Variants in ZNF521 observed in about 807,000 individuals in gnomAD.
ZNF521 encodes the protein zinc finger protein 521.
Under a neutral mutation model 105.5 loss-of-function variants are expected in ZNF521, and 14 were observed. The ratio of observed to expected loss-of-function variants is 0.13; its 90% CI spans 0.09 to 0.21. ZNF521 has a LOEUF of 0.21. ZNF521 is among the 10% of genes least tolerant of loss of function. The pLI is 1.00. For missense variants in ZNF521, 1,233 were observed against 1,629.7 expected (o/e 0.76, Z 4.19); for synonymous variants, 635 against 606.0 (o/e 1.05, Z -0.70).
intron 5 of ZNF521, among the ~76,000 whole-genome samples, chr18:25,156,499 A>G (rs1405346996): frequency 6.6e-6 from 1 of 152,214 alleles, no homozygotes; most frequent in African/African-American, 2.4e-5. Flanking sequence ...ATATATTTCA[A>G]TACACTTTAA....
chr18:25,123,007 T>C (rs2034471935), intron 5 of ZNF521, among the ~76,000 whole-genome samples: 1 of 152,118 alleles, frequency 6.6e-6, no homozygotes, highest in African/African-American at 2.4e-5. Context: ...TTCTATCTGC[T>C]TCTTAAGCTA....
chr18:25,274,524 G>A (rs191426789), intron 3 of ZNF521, among the ~76,000 whole-genome samples: 5 of 152,224 alleles, frequency 3.3e-5, no homozygotes, highest in Admixed American at 2.0e-4. Context: ...AAATTTCACT[G>A]ACAAATATTT....
intron 5 of ZNF521, among the ~76,000 whole-genome samples, chr18:25,139,495 C>T (rs1464036378): frequency 6.6e-6 from 1 of 151,158 alleles, no homozygotes; most frequent in Non-Finnish European, 1.5e-5. Context: ...ATATCCTGGT[C>T]TTACAGTCCA....
At chr18:25,238,116 C>T (rs545928340) in intron 3 of ZNF521, among the ~76,000 whole-genome samples, 213 of 152,208 alleles carry the variant, frequency 1.4e-3, no homozygotes, top group Non-Finnish European at 2.1e-3. Flanking sequence ...CTTGGCTCTA[C>T]GTATTAGAAA....
chr18:25,308,300 T>C (rs1311172562), intron 3 of ZNF521, among the ~76,000 whole-genome samples: 1 of 149,248 alleles, frequency 6.7e-6, no homozygotes, highest in Non-Finnish European at 1.5e-5. Context: ...CATTAGAAAC[T>C]CTGGATTAGG....
At chr18:25,249,633 T>G (rs1907973373) in intron 3 of ZNF521, among the ~76,000 whole-genome samples, 1 of 152,176 alleles carries the variant, frequency 6.6e-6, no homozygotes. Flanking sequence ...AGCTAATTTT[T>G]GTGCCTTTAG....
At chr18:25,290,175 C>T (rs919760529) in intron 3 of ZNF521, among the ~76,000 whole-genome samples, 3 of 152,172 alleles carry the variant, frequency 2.0e-5, no homozygotes, top group Non-Finnish European at 2.9e-5. Flanking sequence ...ATGCAGTCTG[C>T]GGTTTATAAG....
rs184452345 is a variant in ZNF521 at position 25,242,708 on chromosome 18, C to T, written c.221-15011G>A. On this transcript the variant is annotated intron_variant, in intron 3 of 7. Coordinates refer to ENST00000361524, the MANE Select transcript of ZNF521 (RefSeq NM_015461.3). ...TTGGTTTTTCTCATTGTTTAGCTAT[C>T]GAATGTAGTGGGTGATTCTTGTTCT... Among the ~76,000 whole-genome samples, 14 of 152,156 alleles carry T rather than the reference C, an allele frequency of 9.2e-5. No individual in the cohort carries two copies. In the East Asian group the frequency reaches 1.5e-3, roughly 17 times the overall value.
chr18:25,133,820 T>A, intron 5 of ZNF521, among the ~76,000 whole-genome samples: 1 of 152,068 alleles, frequency 6.6e-6, no homozygotes, highest in East Asian at 1.9e-4. Flanking sequence ...ATGTTTTAGT[T>A]AAAGGCCTGA....
At chr18:25,239,400 A>T (rs1568029442) in intron 3 of ZNF521, among the ~76,000 whole-genome samples, 2 of 152,226 alleles carry the variant, frequency 1.3e-5, no homozygotes, top group African/African-American at 4.8e-5. Flanking sequence ...TACATGAAAA[A>T]GTCTGTCTGC....
At chr18:25,150,387 TACTC>T (rs377432932) in intron 5 of ZNF521, among the ~76,000 whole-genome samples, 4 of 152,098 alleles carry the variant, frequency 2.6e-5, no homozygotes, top group African/African-American at 7.2e-5. Context: ...CTAAAGAACT[TACTC>T]ACGTAACCAA....
chr18:25,191,646 A>C (rs188795964), intron 5 of ZNF521, among the ~76,000 whole-genome samples: 443 of 152,304 alleles, frequency 2.9e-3, no homozygotes, highest in African/African-American at 0.01. Context: ...GAGTGAAAAA[A>C]TTAAGCTTCT....
chr18:25,286,107 G>A (rs28609362), intron 3 of ZNF521, among the ~76,000 whole-genome samples: 5 of 152,286 alleles, frequency 3.3e-5, no homozygotes, highest in East Asian at 1.9e-4. Flanking sequence ...TGCAGTGCGC[G>A]CTCTCAGGGG....
chr18:25,156,649 T>C lies in ZNF521; in HGVS notation c.3658+38511A>G, dbSNP rs114689192. 2.7e-3 allele frequency among the ~76,000 whole-genome samples: 408 copies of C among 152,334 alleles called. 2 individuals are homozygous for C. Among genetic ancestry groups the C allele is most frequent in the African/African-American group, 9.3e-3 (385 of 41,576 alleles). ...GATGACTGTTGTAATTTGCAAAGGC[T>C]ACTAGTACCCCATATATATGTAATT... On this transcript the variant is annotated intron_variant, in intron 5 of 7. Coordinates refer to ENST00000361524, the MANE Select transcript of ZNF521 (RefSeq NM_015461.3).
intron 3 of ZNF521, among the ~76,000 whole-genome samples, chr18:25,308,449 A>G (rs1912106248): frequency 6.6e-6 from 1 of 152,154 alleles, no homozygotes; most frequent in Non-Finnish European, 1.5e-5. Flanking sequence ...TCTCTCATTA[A>G]TTCTCCATCT....
intron 4 of ZNF521, among the ~76,000 whole-genome samples, chr18:25,211,594 C>T (rs7226622): frequency 0.19 from 29,497 of 152,018 alleles, 3,633 homozygotes; most frequent in African/African-American, 0.35. Context: ...TGCGTTTTTC[C>T]ATCAGTTTCT....
At chr18:25,078,558 C>A (rs144532508) in intron 7 of ZNF521, among the ~76,000 whole-genome samples, 18 of 152,300 alleles carry the variant, frequency 1.2e-4, no homozygotes, top group Non-Finnish European at 2.4e-4. Context: ...TGACCTCTCA[C>A]CCCGCCGCTG....
At chr18:25,112,738 A>G (rs1421436283) in intron 5 of ZNF521, among the ~76,000 whole-genome samples, 1 of 152,134 alleles carries the variant, frequency 6.6e-6, no homozygotes, top group Non-Finnish European at 1.5e-5. Flanking sequence ...ATCTCTATTA[A>G]CAGCCTGTTC....
At chr18:25,072,731 C>G (rs372717002) in intron 7 of ZNF521, among the ~76,000 whole-genome samples, 153 of 152,264 alleles carry the variant, frequency 1.0e-3, no homozygotes, top group African/African-American at 3.6e-3. Context: ...AGATTTCACT[C>G]AAGATTCTGG....
Sources: gnomAD v4.1 joint callset for allele counts (sites outside exome capture counted in the v4.1 genomes callset) on GRCh38, gnomAD v4.1.1 for gene constraint, MANE v1.5 for transcripts, NCBI Gene and HGNC (gene_info 2026-07-23, HGNC 2026-07-21) for gene names.